Variants in TRPA1 observed in about 807,000 individuals in gnomAD.
The protein encoded by TRPA1 is ankyrin-like with transmembrane domains 1.
In TRPA1, 129 loss-of-function variants were observed where a neutral mutation model predicts 131.3. The observed-to-expected ratio is 0.98, with a 90% CI of 0.85 to 1.14. The LOEUF (loss-of-function observed/expected upper bound fraction) is 1.14, where lower values mean the gene tolerates loss of function less well. Among genes scored for constraint, TRPA1 ranks in the 50% most tolerant of loss-of-function variants. The pLI is 0.00. For missense variants in TRPA1, 1,304 were observed against 1,354.2 expected (o/e 0.96, Z 0.58); for synonymous variants, 441 against 451.7 (o/e 0.98, Z 0.30).
chr8:72,067,182 A>G (rs983341466), intron 3 of TRPA1, among the ~76,000 whole-genome samples: 6 of 152,184 alleles, frequency 3.9e-5, no homozygotes, highest in Non-Finnish European at 7.3e-5. Flanking sequence ...TCAATGGAGC[A>G]GCTTCTAAAC....
At chr8:72,049,188 A>G (rs1425348018) in intron 15 of TRPA1, among the ~76,000 whole-genome samples, 1 of 152,200 alleles carries the variant, frequency 6.6e-6, no homozygotes, top group Non-Finnish European at 1.5e-5. Flanking sequence ...TGCTAGTAGT[A>G]CTAATAACCA....
At chr8:72,043,069 A>G (rs1452025072) in intron 17 of TRPA1, among the ~76,000 whole-genome samples, 1 of 151,874 alleles carries the variant, frequency 6.6e-6, no homozygotes, top group East Asian at 1.9e-4. Context: ...GCTTTTTACC[A>G]CAAGTAAAAA....
rs752913887 is a variant in TRPA1 at position 72,047,164 on chromosome 8, G to C, written c.1949C>G (p.Ser650Cys). The stretch of plus-strand genomic sequence containing the variant: ...TAAACTTACATAATAGTCTCGGCAG[G>C]ACTTGTCTTCTGTGGAATGCAACAT... ...FCMLHSTEDK[S>C]CRDYYIEYNF... Residue 650 changes from serine to cysteine, a missense_variant, in exon 16 of 27, where the codon TCC becomes TGC. Ser to Cys is a moderately radical substitution (Grantham distance 112, BLOSUM62 -1). Transcript: ENST00000262209. 4.3e-6 allele frequency: 7 copies of C among 1,609,998 alleles called. No individual in the cohort carries two copies. In the East Asian group the frequency reaches 1.6e-4, roughly 36 times the overall value.
At chr8:72,067,896 CTCAT>C (rs748310503) in intron 3 of TRPA1, among the ~76,000 whole-genome samples, 1 of 152,292 alleles carries the variant, frequency 6.6e-6, no homozygotes, top group African/African-American at 2.4e-5. Flanking sequence ...CTCCCATTTA[CTCAT>C]TCATTCATTC....
At chr8:72,085,765 G>A in the TRPA1 span, among the ~76,000 whole-genome samples, 5 of 151,888 alleles carry the variant, frequency 3.3e-5, no homozygotes, top group African/African-American at 9.7e-5. Context: ...TCATGGATAC[G>A]TTTGCATTTG....
chr8:72,034,323 C>G lies in TRPA1; in HGVS notation c.2610G>C (p.Leu870Phe). The change falls in exon 22 of 27, where the codon TTG becomes TTC. Residue 870 changes from leucine to phenylalanine, a missense_variant. Leu to Phe is a conservative substitution (Grantham distance 22). Coordinates refer to ENST00000262209, the MANE Select transcript of TRPA1 (RefSeq NM_007332.3). ...IVMLEVILKT[L>F]LRSTVVFIFL... Reference sequence around the variant, plus strand: ...AGATAAATACAACTGTAGACCTCAACAAAGTTTTCAAAATTACCTCCAACA... The same window carrying G: ...AGATAAATACAACTGTAGACCTCAAGAAAGTTTTCAAAATTACCTCCAACA... The G allele has an allele frequency of 6.3e-7, 1 of 1,580,694 alleles. No individual in the cohort carries two copies. The highest frequency in any genetic ancestry group is 8.6e-7 in the Non-Finnish European group (1 of 1,159,464).
chr8:72,086,463 C>A, the TRPA1 span, among the ~76,000 whole-genome samples: 521 of 152,176 alleles, frequency 3.4e-3, 5 homozygotes, highest in African/African-American at 0.011. Context: ...ACTAAAATTT[C>A]TTTTAGCTTT....
In TRPA1 at chr8:72,075,364, C is replaced by T. The variant is rs1563408600; in HGVS notation, c.46G>A (p.Glu16Lys). ...RKMWRPGEKK[E>K]PQGVVYEDVP... The stretch of plus-strand genomic sequence containing the variant: ...TCCTCATAGACAACGCCCTGGGGCT[C>T]CTTCTTTTCTCCAGGGCGCCACATC... The change falls in exon 1 of 27, where the codon GAG becomes AAG. Residue 16 changes from glutamate (E) to lysine (K), a missense_variant. Physicochemically the swap from Glu to Lys is moderately conservative, Grantham distance 56. Transcript: ENST00000262209. 1.9e-6 allele frequency: 3 copies of T among 1,612,208 alleles called. No homozygotes were observed. The highest frequency in any genetic ancestry group is 4.5e-5 in the East Asian group (2 of 44,882).
chr8:72,082,740 C>G, the TRPA1 span, among the ~76,000 whole-genome samples: 1 of 150,792 alleles, frequency 6.6e-6, no homozygotes, highest in African/African-American at 2.4e-5. Flanking sequence ...AGATTTTTCT[C>G]TGTCTTTCAG....
chr8:72,033,980 T>C (rs913265569), intron 22 of TRPA1, among the ~76,000 whole-genome samples, 154 bp from the exon 23 acceptor site: 15 of 152,196 alleles, frequency 9.9e-5, no homozygotes, highest in African/African-American at 3.1e-4. Context: ...ATAGTAAACA[T>C]GGTAAAGTCA....
the TRPA1 span, among the ~76,000 whole-genome samples, chr8:72,089,543 CAAAGTTTGTCT>C: frequency 6.6e-6 from 1 of 151,964 alleles, no homozygotes; most frequent in East Asian, 1.9e-4. Flanking sequence ...ATCTTTAGTT[CAAAGTTTGTCT>C]TCAGTCTATA....
At chr8:72,068,009 A>G (rs758180491) in intron 3 of TRPA1, among the ~76,000 whole-genome samples, 39 of 152,356 alleles carry the variant, frequency 2.6e-4, no homozygotes, top group Non-Finnish European at 4.9e-4. Flanking sequence ...GCCAGTAGGG[A>G]AGAAAAGCAC....
At chr8:72,052,828 C>T in intron 13 of TRPA1, 63 bp from the exon 14 acceptor site, 1 of 1,580,818 alleles carries the variant, frequency 6.3e-7, no homozygotes, top group African/African-American at 1.3e-5. Context: ...TATTTCACTG[C>T]TTAACTGCTT....
At position 72,059,370 on chromosome 8, in the gene TRPA1, C is replaced by A; in HGVS notation, c.993+20G>T. 6.9e-7 allele frequency: 1 copy of A among 1,452,652 alleles called. No individual in the cohort carries two copies. The allele number at this position is 1,452,652 out of a possible 1,614,324, so 90.0% of individuals were successfully genotyped here. A position where few individuals can be genotyped will look rare whatever the true frequency, so the allele number is the denominator to read the frequency against. On this transcript the variant is annotated intron_variant, in intron 8 of 26. Coordinates refer to ENST00000262209, the MANE Select transcript of TRPA1 (RefSeq NM_007332.3). Reference sequence around the variant, plus strand: ...AATTATAAATAGTAATAAAAATAAACCAGTAAAAGGAATAGTTACCACTGA... The same window carrying A: ...AATTATAAATAGTAATAAAAATAAAACAGTAAAAGGAATAGTTACCACTGA...
chr8:72,088,070 G>T, the TRPA1 span, among the ~76,000 whole-genome samples: 1 of 152,228 alleles, frequency 6.6e-6, no homozygotes, highest in African/African-American at 2.4e-5. Flanking sequence ...TCAGAGAGGG[G>T]AGTGGTGCTT....
At chr8:72,030,553 A>G (rs1811777592) in intron 23 of TRPA1, among the ~76,000 whole-genome samples, 2 of 152,236 alleles carry the variant, frequency 1.3e-5, no homozygotes. Context: ...CTTAAGTGTT[A>G]TGAAAACTTA....
At position 72,069,210 on chromosome 8, in the gene TRPA1, A is replaced by C. The variant is rs752040022; in HGVS notation, c.269-12T>G. 3 of 1,614,114 alleles carry C rather than the reference A, an allele frequency of 1.9e-6. No homozygotes were observed. The South Asian group carries it at 3.3e-5, about 18-fold the overall frequency. On this transcript the variant is annotated splice_polypyrimidine_tract_variant and intron_variant, in intron 2 of 26. Transcript: ENST00000262209. ...CATTTCATGCAGCACTAGAAAAAGA[A>C]ACCAGAATATGGATTAAATTTTGCT...
intron 6 of TRPA1, among the ~76,000 whole-genome samples, chr8:72,062,479 C>A (rs1805831189): frequency 6.6e-6 from 1 of 152,140 alleles, no homozygotes; most frequent in African/African-American, 2.4e-5. Context: ...CAAATACATT[C>A]ATGATTGGGC....
At chr8:72,052,994 T>TGTGTGTGTGTGTGTGTGTGTGTGAGAGA (rs1491537785) in intron 13 of TRPA1, 7 of 330,348 alleles carry the variant, frequency 2.1e-5, no homozygotes, top group Admixed American at 4.9e-5. Flanking sequence ...TGTGTGTGTG[T>TGTGTGTGTGTGTGTGTGTGTGTGAGAGA]GAGAGATAGA....
Sources: allele counts gnomAD v4.1 joint callset (sites outside exome capture counted in the v4.1 genomes callset), GRCh38; gene constraint gnomAD v4.1.1; transcripts MANE v1.5; gene names NCBI Gene and HGNC (gene_info 2026-07-23, HGNC 2026-07-21).